The following ARFGEF1 variants were observed in gnomAD, a reference collection of about 807,000 sequenced individuals.
ARFGEF1 encodes brefeldin A-inhibited guanine nucleotide-exchange protein 1.
ARFGEF1 carries 42 observed loss-of-function variants against 231.0 expected under a neutral mutation model. The ratio of observed to expected loss-of-function variants is 0.18; its 90% confidence interval spans 0.14 to 0.24. The LOEUF (loss-of-function observed/expected upper bound fraction) is 0.24. Among genes scored for constraint, ARFGEF1 ranks in the 10% least tolerant of loss-of-function variants. ARFGEF1 has a pLI of 1.00. For synonymous variants in ARFGEF1, 710 were observed against 732.3 expected (o/e 0.97, Z 0.49); for missense variants, 1,345 against 2,192.0 (o/e 0.61, Z 7.72).
downstream of ARFGEF1, chr8:67,195,603 G>A (rs1314045981): frequency 6.8e-6 from 11 of 1,611,686 alleles, no homozygotes; most frequent in South Asian, 8.8e-5. Flanking sequence ...AAATAAACCT[G>A]TACTGGACCC....
chr8:67,216,766 A>G, intron 32 of ARFGEF1, 104 bp from the exon 33 acceptor site: 4 of 795,714 alleles, frequency 5.0e-6, no homozygotes, highest in Non-Finnish European at 7.7e-6. Context: ...CATACCAACT[A>G]AACAGTCCAT....
chr8:67,198,950 C>T lies in ARFGEF1; in HGVS notation c.5534G>A (p.Gly1845Glu). The change falls in exon 39 of 39, where the codon GGA becomes GAA. Residue 1845 changes from glycine (G) to glutamate (E), a missense_variant. Gly to Glu is a moderately conservative substitution (Grantham distance 98, BLOSUM62 -2). Transcript: ENST00000262215. The part of the protein sequence containing the change: ...QISQPPEQEL[G>E]INKQ ...AAGTTCCCATCATTGCTTGTTTATT[C>T]CAAGTTCCTGTTCAGGTGGTTGTGA... 1 of 1,613,286 alleles carries T rather than the reference C, an allele frequency of 6.2e-7. No individual in the cohort carries two copies. Among genetic ancestry groups the T allele is most frequent in the Non-Finnish European group, 8.5e-7 (1 of 1,179,748 alleles).
At chr8:67,238,960 C>A (rs2128878313) in intron 20 of ARFGEF1, 67 bp from the exon 21 acceptor site, 2 of 1,225,616 alleles carry the variant, frequency 1.6e-6, no homozygotes, top group Non-Finnish European at 2.2e-6. Flanking sequence ...TCCCCACCAA[C>A]AAACTCTGTT....
At chr8:67,220,699 C>A (rs955075100) in intron 29 of ARFGEF1, among the ~76,000 whole-genome samples, 42 of 152,286 alleles carry the variant, frequency 2.8e-4, no homozygotes, top group African/African-American at 9.6e-4. Context: ...TCCCTCCTTG[C>A]AATGGAACAA....
chr8:67,311,014 C>T, intron 1 of ARFGEF1, among the ~76,000 whole-genome samples: 1 of 149,680 alleles, frequency 6.7e-6, no homozygotes, highest in Non-Finnish European at 1.5e-5. Flanking sequence ...CGGCCAGCCG[C>T]CCCGTCTGGG....
At chr8:67,307,696 T>G (rs1327835536) in intron 1 of ARFGEF1, among the ~76,000 whole-genome samples, 2 of 152,180 alleles carry the variant, frequency 1.3e-5, no homozygotes, top group African/African-American at 4.8e-5. Flanking sequence ...GAATCAAGAT[T>G]TATGAATTTG....
intron 23 of ARFGEF1, among the ~76,000 whole-genome samples, chr8:67,230,814 T>C (rs532917574): frequency 6.6e-6 from 1 of 152,052 alleles, no homozygotes; most frequent in Non-Finnish European, 1.5e-5. Flanking sequence ...TCCTAGCAAA[T>C]GCTAGAGGAT....
intron 23 of ARFGEF1, 33 bp from the exon 24 acceptor site, chr8:67,228,297 A>G (rs759764462): frequency 5.7e-6 from 9 of 1,579,486 alleles, no homozygotes; most frequent in African/African-American, 1.4e-5. Flanking sequence ...TAAAAAATTT[A>G]TAAGTTACTG....
intron 5 of ARFGEF1, among the ~76,000 whole-genome samples, chr8:67,178,786 C>T (rs1832292561): frequency 6.6e-6 from 1 of 152,074 alleles, no homozygotes; most frequent in Non-Finnish European, 1.5e-5. Flanking sequence ...CAGTTGGGCA[C>T]ATGGGGCAGG....
Position 67,217,991 on chromosome 8 carries a change from G to C in ARFGEF1, c.4474+12C>G. On this transcript the variant is annotated intron_variant, in intron 31 of 38. Transcript: ENST00000262215. The stretch of plus-strand genomic sequence containing the variant: ...TTTAACACTTTGTGTCACATATCTG[G>C]TACAGACCTACCTTGCTGCACACAC... The C allele has an allele frequency of 6.2e-7, 1 of 1,611,964 alleles. No individual in the cohort carries two copies. Among genetic ancestry groups the C allele is most frequent in the Non-Finnish European group, 8.5e-7 (1 of 1,179,018 alleles).
intron 1 of ARFGEF1, among the ~76,000 whole-genome samples, chr8:67,335,912 G>A (rs1461678093): frequency 6.6e-6 from 1 of 151,998 alleles, no homozygotes; most frequent in Non-Finnish European, 1.5e-5. Context: ...ACCACGCCCG[G>A]CTAACTTTTT....
intron 27 of ARFGEF1, 26 bp from the exon 28 acceptor site, chr8:67,226,209 C>T: frequency 6.7e-7 from 1 of 1,493,452 alleles, no homozygotes; most frequent in Non-Finnish European, 8.9e-7. Flanking sequence ...ATATATATTA[C>T]TATAATTTTT....
At chr8:67,232,403 T>A (rs929399662) in intron 23 of ARFGEF1, among the ~76,000 whole-genome samples, 1 of 152,076 alleles carries the variant, frequency 6.6e-6, no homozygotes, top group Non-Finnish European at 1.5e-5. Flanking sequence ...TGTGGTGATG[T>A]GTATAATATA....
intron 34 of ARFGEF1, 117 bp from the exon 35 acceptor site, chr8:67,204,936 A>G: frequency 8.0e-7 from 1 of 1,244,508 alleles, no homozygotes; most frequent in Non-Finnish European, 1.1e-6. Context: ...TATCACACTG[A>G]GAAGGACATA....
At chr8:67,229,392 T>C (rs1839482228) in intron 23 of ARFGEF1, among the ~76,000 whole-genome samples, 1 of 152,086 alleles carries the variant, frequency 6.6e-6, no homozygotes, top group African/African-American at 2.4e-5. Context: ...TATATCATGA[T>C]TTTTTAACCC....
chr8:67,280,604 G>T (rs2128902552), intron 7 of ARFGEF1, among the ~76,000 whole-genome samples: 1 of 152,276 alleles, frequency 6.6e-6, no homozygotes, highest in East Asian at 1.9e-4. Flanking sequence ...TATATAAAAA[G>T]TGTACAGCAT....
chr8:67,268,092 G>A (rs181601161), intron 10 of ARFGEF1, among the ~76,000 whole-genome samples: 1 of 152,242 alleles, frequency 6.6e-6, no homozygotes, highest in East Asian at 1.9e-4. Context: ...TTCTATAAAA[G>A]TGACTTTAAG....
intron 4 of ARFGEF1, among the ~76,000 whole-genome samples, chr8:67,298,147 G>C (rs1351910351): frequency 6.6e-6 from 1 of 151,462 alleles, no homozygotes; most frequent in Non-Finnish European, 1.5e-5. Flanking sequence ...GGCTTCTGAA[G>C]TAAACACAAC....
chr8:67,292,060 G>T lies in ARFGEF1; in HGVS notation c.703C>A (p.Pro235Thr), dbSNP rs766739388. The T allele has an allele frequency of 6.8e-6, 11 of 1,613,878 alleles. No individual in the cohort carries two copies. In the South Asian group the frequency reaches 1.2e-4, roughly 18 times the overall value. ...HRQHHHLLQSPVSHHEPESPQ... is the reference protein window; with the variant it reads ...HRQHHHLLQSTVSHHEPESPQ... ...GATTCAGGCTCGTGATGGCTTACTG[G>T]AGACTGTAACAGATGATGATGCTGC... The change falls in exon 6 of 39, where the codon CCA (proline) becomes ACA (threonine). Residue 235 changes from proline to threonine, a missense_variant. By Grantham distance (38) the Pro-to-Thr change is conservative. Around this residue, in one of 14 missense-constraint regions of ARFGEF1, gnomAD observed 398 missense variants for 463.2 expected, o/e 0.86. Transcript: ENST00000262215.
Sources: gnomAD v4.1 joint callset for allele counts (sites outside exome capture counted in the v4.1 genomes callset) on GRCh38, gnomAD v4.1.1 for gene constraint, gnomAD v4.1.1 regional missense constraint, MANE v1.5 for transcripts, NCBI Gene and HGNC (gene_info 2026-07-23, HGNC 2026-07-21) for gene names.